RAPGEF1: variants seen among roughly 807,000 people sequenced by gnomAD.
RAPGEF1 encodes CRK SH3-binding GNRP.
In RAPGEF1, 33 loss-of-function variants were observed where a neutral mutation model predicts 143.3. The observed-to-expected ratio is 0.23, with a 90% CI of 0.17 to 0.31. The LOEUF (loss-of-function observed/expected upper bound fraction) is 0.31, where lower values mean the gene tolerates loss of function less well. Among genes scored for constraint, RAPGEF1 ranks in the 10% least tolerant of loss-of-function variants. The probability of loss-of-function intolerance (pLI) is 1.00; values close to 1 mark genes in which losing one functional copy is unlikely to be tolerated. For synonymous variants in RAPGEF1, 629 were observed against 676.5 expected (o/e 0.93, Z 1.09); for missense variants, 1,199 against 1,645.4 (o/e 0.73, Z 4.69).
chr9:131,704,755 G>T (rs1258776198), intron 1 of RAPGEF1, among the ~76,000 whole-genome samples: 2 of 152,092 alleles, frequency 1.3e-5, no homozygotes, highest in Non-Finnish European at 2.9e-5. Context: ...AAAAAGAGAG[G>T]AAAGGAAGGA....
chr9:131,674,709 T>A (rs902592766), intron 1 of RAPGEF1, among the ~76,000 whole-genome samples: 2 of 152,202 alleles, frequency 1.3e-5, no homozygotes, highest in Non-Finnish European at 2.9e-5. Flanking sequence ...CAGACGGCCT[T>A]CCCACCAACC....
At chr9:131,657,391 T>C (rs1972777634) in intron 1 of RAPGEF1, among the ~76,000 whole-genome samples, 1 of 152,252 alleles carries the variant, frequency 6.6e-6, no homozygotes, top group South Asian at 2.1e-4. Flanking sequence ...GCTATTCCCC[T>C]GCTTTTCACA....
At chr9:131,648,435 G>C (rs1435144619) in intron 3 of RAPGEF1, among the ~76,000 whole-genome samples, 2 of 152,000 alleles carry the variant, frequency 1.3e-5, no homozygotes, top group East Asian at 1.9e-4. Context: ...CAACAAAAAG[G>C]GGGGAAATCC....
At chr9:131,693,849 G>A (rs987631782) in intron 1 of RAPGEF1, among the ~76,000 whole-genome samples, 1 of 151,878 alleles carries the variant, frequency 6.6e-6, no homozygotes, top group Non-Finnish European at 1.5e-5. Context: ...GGCAGCTTAA[G>A]AATTCCATTC....
intron 12 of RAPGEF1, among the ~76,000 whole-genome samples, chr9:131,609,676 G>T (rs548808534): frequency 6.6e-6 from 1 of 152,330 alleles, no homozygotes; most frequent in Non-Finnish European, 1.5e-5. Flanking sequence ...GAGTCGAAAC[G>T]ATGCTGGAGG....
rs768955871 is a variant in RAPGEF1 at position 131,625,965 on chromosome 9, G to T, written c.1659C>A (p.Asp553Glu). The change falls in exon 10 of 27, where the codon GAC becomes GAA. Residue 553 changes from aspartate to glutamate, a missense_variant. By Grantham distance (45) the Asp-to-Glu change is conservative. Around this residue, in one of 6 missense-constraint regions of RAPGEF1, gnomAD observed 613 missense variants for 710.9 expected, o/e 0.86. Transcript: ENST00000683357. ...GDFTAPESTG[D>E]PEKPPPLPEK... Reference sequence around the variant, plus strand: ...CTGGTAGAGGAGGTGGTTTTTCTGGGTCACCGGTTGACTCAGGAGCAGTAA... The same window carrying T: ...CTGGTAGAGGAGGTGGTTTTTCTGGTTCACCGGTTGACTCAGGAGCAGTAA... 14 of 1,593,100 alleles carry T rather than the reference G, an allele frequency of 8.8e-6. No homozygotes were observed. The highest frequency in any genetic ancestry group is 1.7e-4 in the Middle Eastern group (1 of 6,012).
At chr9:131,646,278 T>C (rs1257895626) in intron 3 of RAPGEF1, among the ~76,000 whole-genome samples, 2 of 152,126 alleles carry the variant, frequency 1.3e-5, no homozygotes, top group Non-Finnish European at 2.9e-5. Flanking sequence ...GTGACAGATA[T>C]GGAATTTGAA....
intron 1 of RAPGEF1, among the ~76,000 whole-genome samples, chr9:131,703,183 G>T (rs1396704717): frequency 6.6e-6 from 1 of 152,088 alleles, no homozygotes. Context: ...AAAATTTTTT[G>T]TAGACAGGGT....
At chr9:131,715,546 A>G (rs546216966) in intron 1 of RAPGEF1, among the ~76,000 whole-genome samples, 5 of 152,110 alleles carry the variant, frequency 3.3e-5, no homozygotes, top group Admixed American at 6.5e-5. Flanking sequence ...GGCTTTCACC[A>G]AAGTCTTAAG....
At chr9:131,638,913 G>A (rs1418853865) in intron 4 of RAPGEF1, 122 bp from the exon 5 acceptor site, 1 of 986,336 alleles carries the variant, frequency 1.0e-6, no homozygotes, top group Non-Finnish European at 1.5e-6. Context: ...AATCCATACT[G>A]CCTTTTAATA....
rs534386004 is a variant in RAPGEF1, at chr9:131,641,582, G to A, written c.494+1657C>T. On this transcript the variant is annotated intron_variant, in intron 4 of 26. Coordinates refer to ENST00000683357, the MANE Select transcript of RAPGEF1 (RefSeq NM_001377935.1). The surrounding 1 kb of genome is among the most constrained non-coding windows in gnomAD (Gnocchi z 4.6). ...ATCGTAGAACAGAGGGAGCTGATTTGTTTCAACTAGGCTTTAACTATTCCA... is the reference window on the plus strand; with the variant it reads ...ATCGTAGAACAGAGGGAGCTGATTTATTTCAACTAGGCTTTAACTATTCCA... Among the ~76,000 whole-genome samples the A allele has an allele frequency of 1.2e-4, 18 of 152,336 alleles. No individual in the cohort carries two copies. The highest frequency in any genetic ancestry group is 3.6e-4 in the African/African-American group (15 of 41,572).
At chr9:131,689,724 G>A (rs904935495) in intron 1 of RAPGEF1, among the ~76,000 whole-genome samples, 1 of 152,076 alleles carries the variant, frequency 6.6e-6, no homozygotes, top group South Asian at 2.1e-4. Context: ...TTTTAGTAGA[G>A]ACGGGGTTTC....
At chr9:131,696,860 G>A (rs972882315) in intron 1 of RAPGEF1, among the ~76,000 whole-genome samples, 1 of 152,244 alleles carries the variant, frequency 6.6e-6, no homozygotes, top group Non-Finnish European at 1.5e-5. Flanking sequence ...AACAACATGT[G>A]AAGGTGCTAT....
At chr9:131,585,329 C>T (rs904597660) in intron 22 of RAPGEF1, among the ~76,000 whole-genome samples, 1 of 151,324 alleles carries the variant, frequency 6.6e-6, no homozygotes, top group Non-Finnish European at 1.5e-5. Context: ...TATAGGTGTG[C>T]ACCACTGCTC....
intron 1 of RAPGEF1, among the ~76,000 whole-genome samples, chr9:131,661,327 C>CA (rs1347717406): frequency 9.8e-5 from 15 of 152,290 alleles, no homozygotes; most frequent in African/African-American, 3.6e-4. Flanking sequence ...AAGCCAGATT[C>CA]AAAAGAGTAC....
chr9:131,628,482 G>A lies in RAPGEF1; in HGVS notation c.1017+67C>T. On this transcript the variant is annotated intron_variant, in intron 8 of 26. Transcript: ENST00000683357. The surrounding 1 kb of genome is among the most constrained non-coding windows in gnomAD (Gnocchi z 5.7). ...AGACCATGGGTTTCTTTCAGCTTCA[G>A]GAGCCACATCCCTGAGCCCCCCACC... The A allele has an allele frequency of 6.3e-7, 1 of 1,578,572 alleles. No individual in the cohort carries two copies. Among genetic ancestry groups the A allele is most frequent in the Non-Finnish European group, 8.6e-7 (1 of 1,158,764 alleles).
chr9:131,737,098 G>C (rs1462783928), intron 1 of RAPGEF1, among the ~76,000 whole-genome samples: 4 of 152,182 alleles, frequency 2.6e-5, no homozygotes, highest in Non-Finnish European at 5.9e-5. Context: ...TGATTCCTAT[G>C]AACTGCAGCA....
rs1162477903 is a variant in RAPGEF1 at position 131,655,487 on chromosome 9, CTT to C, written c.62-4540_62-4539del. Among the ~76,000 whole-genome samples the C allele has an allele frequency of 6.6e-6, 1 of 152,246 alleles. No individual in the cohort carries two copies. The highest frequency in any genetic ancestry group is 6.5e-5 in the Admixed American group (1 of 15,290). On this transcript the variant is annotated intron_variant, in intron 1 of 26. Transcript: ENST00000683357. The surrounding 1 kb of genome is among the most constrained non-coding windows in gnomAD (Gnocchi z 4.1). ...TCTCCCGCTCCCCTCTGTCCTGCCTCTTCTCTCTCTTCACCCAAGCAGGGTGG... is the reference window on the plus strand; with the variant it reads ...TCTCCCGCTCCCCTCTGTCCTGCCTCCTCTCTCTTCACCCAAGCAGGGTGG...
chr9:131,676,853 G>C (rs986606376), intron 1 of RAPGEF1, among the ~76,000 whole-genome samples: 1 of 152,204 alleles, frequency 6.6e-6, no homozygotes, highest in Non-Finnish European at 1.5e-5. Flanking sequence ...AACCAACAAC[G>C]ACGGCAGCTT....
Sources: allele counts gnomAD v4.1 joint callset (sites outside exome capture counted in the v4.1 genomes callset), GRCh38; gene constraint gnomAD v4.1.1; regional missense constraint gnomAD v4.1.1; non-coding constraint Gnocchi (gnomAD v3.1); transcripts MANE v1.5; gene names NCBI Gene and HGNC (gene_info 2026-07-23, HGNC 2026-07-21).